PLPP1: variants seen among roughly 807,000 people sequenced by gnomAD.
PLPP1 encodes phospholipid phosphatase 1.
A neutral mutation model predicts 31.2 loss-of-function variants in PLPP1; 24 were observed. The observed-to-expected ratio is 0.77, with a 90% CI of 0.56 to 1.08. The LOEUF is 1.08. Ranked by LOEUF, PLPP1 falls within the 50% of genes least tolerant of loss-of-function variation. PLPP1 has a pLI of 0.00. For missense variants in PLPP1, 319 were observed against 342.7 expected, an observed-to-expected ratio of 0.93 and a Z score of 0.55; for synonymous variants, 146 against 126.3, an observed-to-expected ratio of 1.16 and a Z score of -1.05.
At chr5:55,475,193 GCATA>G in intron 2 of PLPP1, 102 bp downstream of exon 2, 1 of 1,021,330 alleles carries the variant, frequency 9.8e-7, no homozygotes. Context: ...GGTTTAAAAA[GCATA>G]CATTGTTTTT....
At chr5:55,491,130 A>G (rs1017553934) in intron 1 of PLPP1, 3 of 1,606,848 alleles carry the variant, frequency 1.9e-6, no homozygotes, top group East Asian at 2.2e-5. Flanking sequence ...GGGGAAGGGA[A>G]AAAAAGACAC....
At chr5:55,448,471 A>G (rs1246210103) in intron 3 of PLPP1, among the ~76,000 whole-genome samples, 2 of 119,954 alleles carry the variant, frequency 1.7e-5, no homozygotes, top group African/African-American at 3.0e-5. Context: ...TTTTTTTGAC[A>G]GAGTCTTGCT....
intron 1 of PLPP1, among the ~76,000 whole-genome samples, chr5:55,495,479 C>G (rs570865290): frequency 6.6e-6 from 1 of 152,132 alleles, no homozygotes; most frequent in East Asian, 1.9e-4. Flanking sequence ...TGTTGTGATA[C>G]AAAAACCAAA....
At chr5:55,431,191 C>T (rs1428916927) in intron 4 of PLPP1, among the ~76,000 whole-genome samples, 1 of 152,120 alleles carries the variant, frequency 6.6e-6, no homozygotes, top group Non-Finnish European at 1.5e-5. Flanking sequence ...GATTTAGACA[C>T]CCAGGCACAG....
intron 4 of PLPP1, among the ~76,000 whole-genome samples, chr5:55,431,057 G>A (rs1435758244): frequency 2.0e-5 from 3 of 152,174 alleles, no homozygotes; most frequent in Non-Finnish European, 4.4e-5. Flanking sequence ...ACAGCTCTGT[G>A]ACATATGTGA....
intron 3 of PLPP1, among the ~76,000 whole-genome samples, chr5:55,461,425 TA>T (rs1358511791): frequency 3.9e-5 from 6 of 152,050 alleles, no homozygotes; most frequent in Non-Finnish European, 8.8e-5. Context: ...ACTCCATGAC[TA>T]AGTATATACC....
intron 1 of PLPP1, among the ~76,000 whole-genome samples, chr5:55,497,412 A>AT (rs199571704): frequency 0.017 from 2,329 of 140,256 alleles, 69 homozygotes; most frequent in African/African-American, 0.03. Flanking sequence ...TTCCTGGCTA[A>AT]TTTTTTCTTT....
At chr5:55,474,345 G>C (rs1163587834) in intron 2 of PLPP1, among the ~76,000 whole-genome samples, 1 of 152,066 alleles carries the variant, frequency 6.6e-6, no homozygotes, top group East Asian at 1.9e-4. Flanking sequence ...ACAAGTTATG[G>C]TCAGCAGAGC....
chr5:55,430,905 A>G (rs1054014222), intron 4 of PLPP1, among the ~76,000 whole-genome samples: 1 of 152,192 alleles, frequency 6.6e-6, no homozygotes, highest in Non-Finnish European at 1.5e-5. Flanking sequence ...TAGATATAAA[A>G]AAAAATTCTG....
At chr5:55,483,145 A>G (rs1308060436) in intron 1 of PLPP1, among the ~76,000 whole-genome samples, 1 of 152,202 alleles carries the variant, frequency 6.6e-6, no homozygotes, top group Non-Finnish European at 1.5e-5. Flanking sequence ...AGGAGCACTT[A>G]GACTACCAAA....
At chr5:55,511,907 G>A (rs577512646) in intron 1 of PLPP1, among the ~76,000 whole-genome samples, 2 of 151,022 alleles carry the variant, frequency 1.3e-5, no homozygotes, top group African/African-American at 4.9e-5. Context: ...CTGACCTCGT[G>A]ATCCGTCCAC....
intron 4 of PLPP1, among the ~76,000 whole-genome samples, chr5:55,431,381 A>G (rs1751343558): frequency 6.6e-6 from 1 of 152,206 alleles, no homozygotes; most frequent in Admixed American, 6.5e-5. Flanking sequence ...AGAAAATGGG[A>G]TGATGTATTG....
intron 1 of PLPP1, among the ~76,000 whole-genome samples, chr5:55,531,235 C>G (rs1388170770): frequency 6.6e-6 from 1 of 152,044 alleles, no homozygotes; most frequent in Non-Finnish European, 1.5e-5. Flanking sequence ...TCTCAAAATT[C>G]TCCTTCTTTT....
intron 1 of PLPP1, among the ~76,000 whole-genome samples, chr5:55,522,691 A>ATTTTGTTTTG (rs148739898): frequency 1.0e-3 from 157 of 150,324 alleles, no homozygotes; most frequent in African/African-American, 3.2e-3. Flanking sequence ...TAAAATAATC[A>ATTTTGTTTTG]TTTTGTTTTG....
chr5:55,474,920 T>G (rs1752501989), intron 2 of PLPP1, among the ~76,000 whole-genome samples: 2 of 152,172 alleles, frequency 1.3e-5, no homozygotes, highest in Non-Finnish European at 2.9e-5. Flanking sequence ...AGCAAGGTTC[T>G]TTTCGTGTTT....
chr5:55,491,168 A>T lies in PLPP1; in HGVS notation c.59-15718T>A, dbSNP rs114754351. On this transcript the variant is annotated intron_variant, in intron 1 of 5. Coordinates refer to ENST00000307259, the MANE Select transcript of PLPP1 (RefSeq NM_003711.4). The stretch of plus-strand genomic sequence containing the variant: ...ATGATTAAATTCAATTCACTTCATT[A>T]GGAAGTAAAGTCTACTGAATGGGAT... The T allele has an allele frequency of 5.9e-4, 925 of 1,562,750 alleles. 6 individuals carry two copies. In the African/African-American group the frequency reaches 0.012, roughly 20 times the overall value.
intron 1 of PLPP1, among the ~76,000 whole-genome samples, chr5:55,505,215 T>C (rs1753247857): frequency 6.6e-6 from 1 of 152,204 alleles, no homozygotes; most frequent in Non-Finnish European, 1.5e-5. Context: ...CTTCATCTAC[T>C]CAATTGGCTA....
At chr5:55,505,230 G>A (rs1428074348) in intron 1 of PLPP1, among the ~76,000 whole-genome samples, 1 of 151,982 alleles carries the variant, frequency 6.6e-6, no homozygotes, top group East Asian at 1.9e-4. Flanking sequence ...TGGCTATCAT[G>A]CAGAACTAAA....
intron 3 of PLPP1, among the ~76,000 whole-genome samples, chr5:55,465,162 G>T (rs1042382575): frequency 6.6e-6 from 1 of 151,676 alleles, no homozygotes; most frequent in Non-Finnish European, 1.5e-5. Context: ...TCCTGCCTCA[G>T]CCTCCCAAGT....
Sources: gnomAD v4.1 joint callset for allele counts (sites outside exome capture counted in the v4.1 genomes callset) on GRCh38, gnomAD v4.1.1 for gene constraint, MANE v1.5 for transcripts, NCBI Gene and HGNC (gene_info 2026-07-23, HGNC 2026-07-21) for gene names.